Variants in PPARGC1A observed in about 807,000 individuals in gnomAD.
PPARGC1A encodes PPARG coactivator 1 alpha.
Under a neutral mutation model 88.7 loss-of-function variants are expected in PPARGC1A, and 25 were observed. The observed-to-expected ratio is 0.28, with a 90% CI of 0.21 to 0.39. The LOEUF (loss-of-function observed/expected upper bound fraction) is 0.39, where lower values mean the gene tolerates loss of function less well. PPARGC1A is among the 10% of genes least tolerant of loss of function. PPARGC1A has a pLI of 1.00. For synonymous variants in PPARGC1A, 363 were observed against 355.6 expected, an observed-to-expected ratio of 1.02 and a Z score of -0.24; for missense variants, 880 against 968.7, an observed-to-expected ratio of 0.91 and a Z score of 1.22.
chr4:23,811,598 T>C (rs1024990035), intron 10 of PPARGC1A, among the ~76,000 whole-genome samples: 6 of 152,150 alleles, frequency 3.9e-5, no homozygotes, highest in Non-Finnish European at 5.9e-5. Context: ...TGGACTGACT[T>C]ATTTTTGCCA....
chr4:24,226,590 C>T, the PPARGC1A span, among the ~76,000 whole-genome samples: 1 of 152,154 alleles, frequency 6.6e-6, no homozygotes, highest in Non-Finnish European at 1.5e-5. Flanking sequence ...CGCAGCCTTT[C>T]GTTTTGGGTT....
chr4:24,321,765 G>A, the PPARGC1A span, among the ~76,000 whole-genome samples: 4 of 152,242 alleles, frequency 2.6e-5, no homozygotes, highest in Admixed American at 2.6e-4. Context: ...AAAGGGCACT[G>A]CCAGAGACCA....
the PPARGC1A span, among the ~76,000 whole-genome samples, chr4:24,018,322 G>A: frequency 6.6e-6 from 1 of 152,036 alleles, no homozygotes; most frequent in Non-Finnish European, 1.5e-5. Flanking sequence ...ACAACAGTCA[G>A]TAAAAGTGTT....
At chr4:24,348,219 T>C in the PPARGC1A span, among the ~76,000 whole-genome samples, 1 of 152,262 alleles carries the variant, frequency 6.6e-6, no homozygotes, top group Admixed American at 6.5e-5. Context: ...CTGGTGCTTC[T>C]GTCTCACAGC....
At chr4:23,922,197 T>C in the PPARGC1A span, among the ~76,000 whole-genome samples, 9 of 152,162 alleles carry the variant, frequency 5.9e-5, no homozygotes, top group Non-Finnish European at 8.8e-5. Flanking sequence ...AGACCTCTAA[T>C]GGACTGGGTG....
At chr4:24,141,201 C>A in the PPARGC1A span, among the ~76,000 whole-genome samples, 1 of 152,210 alleles carries the variant, frequency 6.6e-6, no homozygotes. Context: ...CAAAATGATG[C>A]CTTCTATGGC....
chr4:24,396,433 G>A, the PPARGC1A span, among the ~76,000 whole-genome samples: 5 of 152,192 alleles, frequency 3.3e-5, no homozygotes, highest in Admixed American at 6.5e-5. Flanking sequence ...TTATAGTCCA[G>A]CACTAAAGTA....
the PPARGC1A span, among the ~76,000 whole-genome samples, chr4:24,057,317 C>T: frequency 6.6e-6 from 1 of 152,028 alleles, no homozygotes; most frequent in Admixed American, 6.6e-5. Context: ...AATGATGGAA[C>T]ATTTTTATTT....
chr4:24,141,162 G>T, the PPARGC1A span, among the ~76,000 whole-genome samples: 346 of 152,324 alleles, frequency 2.3e-3, no homozygotes, highest in South Asian at 7.0e-3. Flanking sequence ...AAAATCCCTT[G>T]CTCCAGAGGA....
At chr4:24,421,161 C>CA in the PPARGC1A span, among the ~76,000 whole-genome samples, 5 of 151,950 alleles carry the variant, frequency 3.3e-5, no homozygotes, top group African/African-American at 4.8e-5. Flanking sequence ...AACAAACAAA[C>CA]AAAAAATCAA....
intron 2 of PPARGC1A, among the ~76,000 whole-genome samples, chr4:23,868,595 C>A (rs986866100): frequency 6.6e-6 from 1 of 152,118 alleles, no homozygotes; most frequent in Non-Finnish European, 1.5e-5. Context: ...GAGATTTAGC[C>A]AAAAAGCTAT....
In PPARGC1A at chr4:23,890,000, C is replaced by T. The variant is rs1248017185; in HGVS notation, c.-43G>A. 5 of 1,612,340 alleles carry T rather than the reference C, an allele frequency of 3.1e-6. No homozygotes were observed. The Admixed American group carries it at 8.3e-5, about 27-fold the overall frequency. On this transcript the variant is annotated 5_prime_UTR_variant, in exon 1 of 13. The change creates a premature stop within an existing upstream ORF in the 5' untranslated region. Coordinates refer to ENST00000264867, the MANE Select transcript of PPARGC1A (RefSeq NM_013261.5). ...CCAGTCAAGCTTTTTCAACTCCAATCCACAGTGACACAGAGCACACACTCA... is the reference window on the plus strand; with the variant it reads ...CCAGTCAAGCTTTTTCAACTCCAATTCACAGTGACACAGAGCACACACTCA...
chr4:23,869,561 C>T (rs1300968192), intron 2 of PPARGC1A, among the ~76,000 whole-genome samples: 2 of 150,738 alleles, frequency 1.3e-5, no homozygotes, highest in African/African-American at 2.4e-5. Flanking sequence ...CAGTCCTGTA[C>T]ATTATCTGAA....
At chr4:24,351,123 T>A in the PPARGC1A span, among the ~76,000 whole-genome samples, 1 of 151,962 alleles carries the variant, frequency 6.6e-6, no homozygotes, top group Non-Finnish European at 1.5e-5. Flanking sequence ...CCCAGCTACT[T>A]GCGAGGCTGA....
the PPARGC1A span, among the ~76,000 whole-genome samples, chr4:23,951,425 C>T: frequency 6.6e-6 from 1 of 152,124 alleles, no homozygotes; most frequent in African/African-American, 2.4e-5. Context: ...AGAAACAACT[C>T]ACCCATGAAT....
At chr4:24,206,535 A>G in the PPARGC1A span, among the ~76,000 whole-genome samples, 2 of 152,220 alleles carry the variant, frequency 1.3e-5, no homozygotes, top group Non-Finnish European at 2.9e-5. Flanking sequence ...TATAAAAAAT[A>G]CTAACATTGG....
At chr4:24,262,415 G>A in the PPARGC1A span, among the ~76,000 whole-genome samples, 1 of 152,168 alleles carries the variant, frequency 6.6e-6, no homozygotes, top group South Asian at 2.1e-4. Flanking sequence ...GGGCTGGGGG[G>A]TGAGGCTCTG....
chr4:23,824,528 A>C lies in PPARGC1A; in HGVS notation c.758-20T>G. On this transcript the variant is annotated intron_variant, in intron 5 of 12. Transcript: ENST00000264867. ...GTTTGGCTAAAGAAAAAAAAAAGAA[A>C]CTAATTATGTAATATTGAGTGTCTT... 2 of 1,568,958 alleles carry C rather than the reference A, an allele frequency of 1.3e-6. No individual in the cohort carries two copies. Among genetic ancestry groups the C allele is most frequent in the Non-Finnish European group, 1.7e-6 (2 of 1,149,898 alleles).
At chr4:24,069,572 G>T in the PPARGC1A span, among the ~76,000 whole-genome samples, 4 of 152,128 alleles carry the variant, frequency 2.6e-5, no homozygotes, top group Non-Finnish European at 5.9e-5. Flanking sequence ...AACACTGCAT[G>T]TTACTTAGGC....
Sources: allele counts gnomAD v4.1 joint callset (sites outside exome capture counted in the v4.1 genomes callset), GRCh38; gene constraint gnomAD v4.1.1; transcripts MANE v1.5; gene names NCBI Gene and HGNC (gene_info 2026-07-23, HGNC 2026-07-21).